The following AUTS2 variants were observed in gnomAD, a reference collection of about 807,000 sequenced individuals.
The protein encoded by AUTS2 is autism susceptibility gene 2 protein.
In AUTS2, 17 loss-of-function variants were observed where a neutral mutation model predicts 112.4. The observed-to-expected ratio is 0.15, with a 90% CI of 0.10 to 0.23. The LOEUF is 0.23. AUTS2 is among the 10% of genes least tolerant of loss of function. The pLI, the probability that AUTS2 is intolerant of heterozygous loss-of-function variation, is 1.00. For missense variants in AUTS2, 1,510 were observed against 1,701.6 expected (o/e 0.89, Z 1.98); for synonymous variants, 751 against 702.7 (o/e 1.07, Z -1.09).
intron 5 of AUTS2, among the ~76,000 whole-genome samples, chr7:70,634,966 C>G (rs1441971684): frequency 5.3e-5 from 8 of 152,058 alleles, no homozygotes; most frequent in African/African-American, 9.7e-5. Flanking sequence ...GTAACCGGAG[C>G]CTTGAAGTGA....
rs566818696 is a variant in AUTS2, at chr7:70,456,368, C to CA, written c.690+20588dup. ...AATCATTGTTAATTCTTGTGATACT[C>CA]ACCGTAATAACATCTATCCAAATGA... On this transcript the variant is annotated intron_variant, in intron 5 of 18. Transcript: ENST00000342771. Among the ~76,000 whole-genome samples the CA allele has an allele frequency of 1.2e-4, 19 of 152,352 alleles. No individual in the cohort carries two copies. In the South Asian group the frequency reaches 3.7e-3, roughly 30 times the overall value.
intron 4 of AUTS2, among the ~76,000 whole-genome samples, chr7:70,418,389 A>C (rs1795080043): frequency 6.6e-6 from 1 of 152,166 alleles, no homozygotes; most frequent in African/African-American, 2.4e-5. Context: ...ACACAAACCT[A>C]GGGGCTCCAT....
intron 4 of AUTS2, among the ~76,000 whole-genome samples, chr7:70,378,066 G>A (rs1448431347): frequency 2.6e-5 from 4 of 151,954 alleles, no homozygotes; most frequent in Admixed American, 6.6e-5. Context: ...GTGAGCCACC[G>A]CGCCCGGCCA....
intron 4 of AUTS2, among the ~76,000 whole-genome samples, chr7:70,401,903 A>G (rs1435940320): frequency 2.0e-5 from 3 of 152,226 alleles, no homozygotes; most frequent in Non-Finnish European, 4.4e-5. Flanking sequence ...TTTCTTTACA[A>G]AATCCAGTGT....
intron 5 of AUTS2, among the ~76,000 whole-genome samples, chr7:70,655,800 G>C (rs1205319496): frequency 6.6e-6 from 1 of 152,162 alleles, no homozygotes; most frequent in Non-Finnish European, 1.5e-5. Context: ...AGCCAACCCA[G>C]GTCTGCCACA....
intron 1 of AUTS2, among the ~76,000 whole-genome samples, chr7:69,723,156 ACAG>A (rs1799054452): frequency 6.6e-6 from 1 of 152,086 alleles, no homozygotes; most frequent in South Asian, 2.1e-4. Flanking sequence ...TTCATCATTC[ACAG>A]CAGCCAGTGT....
At chr7:70,297,177 T>G (rs935398928) in intron 4 of AUTS2, among the ~76,000 whole-genome samples, 4 of 151,924 alleles carry the variant, frequency 2.6e-5, no homozygotes, top group Non-Finnish European at 4.4e-5. Flanking sequence ...AACCCTGCCT[T>G]ACACCACCCA....
chr7:70,275,064 T>G (rs1243754227), intron 4 of AUTS2, among the ~76,000 whole-genome samples: 1 of 152,208 alleles, frequency 6.6e-6, no homozygotes, highest in Non-Finnish European at 1.5e-5. Context: ...GTTACTTTTG[T>G]TTTTGAGTTG....
At chr7:70,162,401 C>G (rs1366680308) in intron 4 of AUTS2, among the ~76,000 whole-genome samples, 3 of 119,650 alleles carry the variant, frequency 2.5e-5, no homozygotes, top group Non-Finnish European at 3.2e-5. Context: ...AGCCGAGATC[C>G]CGCCACTGCA....
Position 69,599,246 on chromosome 7 carries a change from G to C in AUTS2, c.-408G>C, listed in dbSNP as rs1034719258. The C allele has an allele frequency of 6.4e-6, 1 of 155,444 alleles. No homozygotes were observed. The highest frequency in any genetic ancestry group is 1.4e-5 in the Non-Finnish European group (1 of 70,344). The allele number at this position is 155,444 out of a possible 1,614,324, so 9.6% of individuals were successfully genotyped here. ...GAATGGCCGCGGGGAGGGCTCCCCG[G>C]AGCCTCCCAGTCTCTTGATCAAAGC... On this transcript the variant is annotated 5_prime_UTR_variant, in exon 1 of 19. Transcript: ENST00000342771. This position sits in a 1 kb window ranked among gnomAD's most constrained non-coding sequence, Gnocchi z 7.0.
intron 5 of AUTS2, among the ~76,000 whole-genome samples, chr7:70,562,493 ATAAAG>A (rs555948306): frequency 1.6e-3 from 240 of 152,242 alleles, no homozygotes; most frequent in Non-Finnish European, 3.1e-3. Flanking sequence ...CCAGTAGATT[ATAAAG>A]TATTTGGAAG....
chr7:70,100,676 G>A (rs1354118055), intron 2 of AUTS2, among the ~76,000 whole-genome samples: 2 of 151,266 alleles, frequency 1.3e-5, no homozygotes, highest in Admixed American at 6.6e-5. Context: ...AGAGTATCAA[G>A]TTGAATTTCA....
chr7:69,629,594 C>G lies in AUTS2; in HGVS notation c.309+29632C>G, dbSNP rs58022525. On this transcript the variant is annotated intron_variant, in intron 1 of 18. Transcript: ENST00000342771. Reference sequence around the variant, plus strand: ...AGAAGCTGCAGTCCTGATTCTTTCTCTAGATCCTATCAGGTTGCCAGTTGA... The same window carrying G: ...AGAAGCTGCAGTCCTGATTCTTTCTGTAGATCCTATCAGGTTGCCAGTTGA... 8.1e-3 allele frequency among the ~76,000 whole-genome samples: 1,226 copies of G among 152,298 alleles called. 13 individuals are homozygous for G. The highest frequency in any genetic ancestry group is 0.053 in the East Asian group (272 of 5,174).
intron 1 of AUTS2, among the ~76,000 whole-genome samples, chr7:69,777,593 C>T (rs973391231): frequency 2.0e-5 from 3 of 152,196 alleles, no homozygotes; most frequent in Non-Finnish European, 2.9e-5. Flanking sequence ...ATATCTAAGA[C>T]ATATTTATTT....
chr7:70,787,579 G>A (rs1056032312), intron 18 of AUTS2, 148 bp downstream of exon 18: 6 of 621,210 alleles, frequency 9.7e-6, no homozygotes, highest in Non-Finnish European at 1.7e-5. Context: ...AGTGCCCGCA[G>A]CCCCTCGCAG....
At chr7:69,690,347 C>T (rs575757827) in intron 1 of AUTS2, among the ~76,000 whole-genome samples, 1 of 152,310 alleles carries the variant, frequency 6.6e-6, no homozygotes, top group African/African-American at 2.4e-5. Context: ...TGTCACTTTT[C>T]CAGCTGGAAA....
At chr7:69,662,694 CT>C (rs1196642194) in intron 1 of AUTS2, among the ~76,000 whole-genome samples, 1 of 152,182 alleles carries the variant, frequency 6.6e-6, no homozygotes, top group African/African-American at 2.4e-5. Context: ...GTTGAAATTC[CT>C]GTGTAATTCA....
At chr7:70,158,409 C>T (rs1807896986) in intron 4 of AUTS2, among the ~76,000 whole-genome samples, 1 of 152,114 alleles carries the variant, frequency 6.6e-6, no homozygotes, top group African/African-American at 2.4e-5. Context: ...ATGTTTAGAA[C>T]ACAAAATTGA....
intron 4 of AUTS2, among the ~76,000 whole-genome samples, chr7:70,325,239 G>A (rs1236892488): frequency 3.9e-5 from 6 of 152,016 alleles, no homozygotes; most frequent in South Asian, 2.1e-4. Flanking sequence ...CGGGAGCATC[G>A]CTTGAGAACA....
Sources: allele counts gnomAD v4.1 joint callset (sites outside exome capture counted in the v4.1 genomes callset), GRCh38; gene constraint gnomAD v4.1.1; non-coding constraint Gnocchi (gnomAD v3.1); transcripts MANE v1.5; gene names NCBI Gene and HGNC (gene_info 2026-07-23, HGNC 2026-07-21).